Variants in EDIL3 observed in about 807,000 individuals in gnomAD.
EDIL3 encodes EGF-like repeat and discoidin I-like domain-containing protein 3.
EDIL3 carries 37 observed loss-of-function variants against 67.4 expected under a neutral mutation model. The ratio of observed to expected loss-of-function variants is 0.55; its 90% CI spans 0.42 to 0.72. The LOEUF (loss-of-function observed/expected upper bound fraction) is 0.72. Among genes scored for constraint, EDIL3 ranks in the 30% least tolerant of loss-of-function variants. The probability of loss-of-function intolerance (pLI) is 0.00; values close to 1 mark genes in which losing one functional copy is unlikely to be tolerated. For missense variants in EDIL3, 527 were observed against 586.3 expected (o/e 0.90, Z 1.04); for synonymous variants, 195 against 196.3 (o/e 0.99, Z 0.05).
At chr5:84,362,288 A>G (rs1747626313) in intron 1 of EDIL3, among the ~76,000 whole-genome samples, 1 of 152,078 alleles carries the variant, frequency 6.6e-6, no homozygotes, top group Non-Finnish European at 1.5e-5. Flanking sequence ...ATTTGCTTTA[A>G]TTTTCTTTAG....
At chr5:83,944,659 T>G (rs1744282040) in intron 10 of EDIL3, among the ~76,000 whole-genome samples, 1 of 151,968 alleles carries the variant, frequency 6.6e-6, no homozygotes, top group South Asian at 2.1e-4. Context: ...TTCTAACTAT[T>G]TTATATCTAC....
intron 4 of EDIL3, among the ~76,000 whole-genome samples, chr5:84,154,936 G>A (rs1054187928): frequency 2.0e-5 from 3 of 151,942 alleles, no homozygotes; most frequent in Non-Finnish European, 4.4e-5. Flanking sequence ...CTGACTTCAG[G>A]CAATCCTCCT....
chr5:83,984,026 T>C (rs1178470131), intron 9 of EDIL3, among the ~76,000 whole-genome samples: 3 of 152,012 alleles, frequency 2.0e-5, no homozygotes, highest in Non-Finnish European at 4.4e-5. Flanking sequence ...GAACTCAGCA[T>C]TGACTTAAGA....
intron 3 of EDIL3, among the ~76,000 whole-genome samples, chr5:84,208,855 C>G (rs1744050582): frequency 6.6e-6 from 1 of 151,634 alleles, no homozygotes; most frequent in South Asian, 2.1e-4. Flanking sequence ...TACCATTTGA[C>G]CCAGCCATCC....
At chr5:84,132,232 C>T (rs1487704699) in intron 5 of EDIL3, among the ~76,000 whole-genome samples, 4 of 131,880 alleles carry the variant, frequency 3.0e-5, no homozygotes, top group Admixed American at 8.7e-5. Context: ...AGAGAGACTC[C>T]GTCTTTAAAA....
chr5:84,084,890 A>G (rs1747041152), intron 6 of EDIL3, among the ~76,000 whole-genome samples: 1 of 152,230 alleles, frequency 6.6e-6, no homozygotes, highest in African/African-American at 2.4e-5. Flanking sequence ...ACAATAATCT[A>G]AGAATGGAGA....
At chr5:84,021,850 A>G (rs965162055) in intron 9 of EDIL3, among the ~76,000 whole-genome samples, 3 of 151,986 alleles carry the variant, frequency 2.0e-5, no homozygotes, top group African/African-American at 7.2e-5. Flanking sequence ...GATTGAATTT[A>G]GAAGAAATAG....
chr5:84,023,431 C>T (rs892677843), intron 9 of EDIL3, among the ~76,000 whole-genome samples: 4 of 151,886 alleles, frequency 2.6e-5, no homozygotes, highest in Non-Finnish European at 4.4e-5. Flanking sequence ...TTATATATTT[C>T]GAGGAACAAA....
intron 5 of EDIL3, among the ~76,000 whole-genome samples, chr5:84,107,329 C>T (rs566516127): frequency 6.6e-6 from 1 of 151,970 alleles, no homozygotes; most frequent in African/African-American, 2.4e-5. Flanking sequence ...TTTATACCCA[C>T]CATCAGTTAT....
intron 1 of EDIL3, among the ~76,000 whole-genome samples, chr5:84,340,926 C>G (rs533972936): frequency 4.1e-4 from 63 of 151,902 alleles, no homozygotes; most frequent in Admixed American, 2.0e-3. Context: ...CAACTCCAAT[C>G]CAAACTCCTC....
chr5:84,074,397 C>T (rs1746809407), intron 6 of EDIL3, among the ~76,000 whole-genome samples: 1 of 152,292 alleles, frequency 6.6e-6, no homozygotes, highest in Non-Finnish European at 1.5e-5. Context: ...AAACTACCAT[C>T]AGAGTGAACA....
chr5:84,030,640 C>T lies in EDIL3; in HGVS notation c.1137+29660G>A, dbSNP rs2112202135. ...GTAACTGACAGATTATGCTGCAATG[C>T]TATACATTTTCAGAATTGGTATCCT... On this transcript the variant is annotated intron_variant, in intron 9 of 10. Transcript: ENST00000296591. Among the ~76,000 whole-genome samples, 3 of 152,256 alleles carry T rather than the reference C, an allele frequency of 2.0e-5. No individual in the cohort carries two copies. In the South Asian group the frequency reaches 6.2e-4, roughly 32 times the overall value.
chr5:84,182,303 ACAC>A (rs1749027498), intron 3 of EDIL3, among the ~76,000 whole-genome samples: 1 of 150,570 alleles, frequency 6.6e-6, no homozygotes, highest in African/African-American at 2.4e-5. Context: ...ACACACACAC[ACAC>A]AAATCCAGGC....
chr5:84,149,979 G>T (rs1748359175), intron 4 of EDIL3, among the ~76,000 whole-genome samples: 1 of 152,032 alleles, frequency 6.6e-6, no homozygotes, highest in African/African-American at 2.4e-5. Context: ...GTCTAAAATA[G>T]ATGTGATTGG....
At chr5:84,080,077 C>CT (rs1561424957) in intron 6 of EDIL3, among the ~76,000 whole-genome samples, 1 of 124,020 alleles carries the variant, frequency 8.1e-6, no homozygotes, top group African/African-American at 3.3e-5. Flanking sequence ...CGAGAACATC[C>CT]TGGCTAACAC....
intron 5 of EDIL3, among the ~76,000 whole-genome samples, chr5:84,110,620 C>A (rs1747543600): frequency 6.6e-6 from 1 of 151,894 alleles, no homozygotes; most frequent in Admixed American, 6.6e-5. Flanking sequence ...AATAATACTT[C>A]AAGAAAAAAA....
intron 3 of EDIL3, among the ~76,000 whole-genome samples, chr5:84,223,971 T>C (rs1210682450): frequency 6.6e-6 from 1 of 151,444 alleles, no homozygotes; most frequent in East Asian, 1.9e-4. Context: ...TATGAGTTAA[T>C]CTAATATTAA....
intron 5 of EDIL3, among the ~76,000 whole-genome samples, chr5:84,121,533 A>AGATT (rs1407798341): frequency 3.0e-5 from 3 of 100,666 alleles, no homozygotes; most frequent in Non-Finnish European, 2.3e-5. Flanking sequence ...TCACTAACTT[A>AGATT]GATCGATCTA....
chr5:84,338,323 G>T (rs528238536), intron 1 of EDIL3, among the ~76,000 whole-genome samples: 2 of 152,224 alleles, frequency 1.3e-5, no homozygotes, highest in East Asian at 3.9e-4. Flanking sequence ...CTTAAAATGC[G>T]CTTATGCGAC....
Sources: gnomAD v4.1 joint callset for allele counts (sites outside exome capture counted in the v4.1 genomes callset) on GRCh38, gnomAD v4.1.1 for gene constraint, MANE v1.5 for transcripts, NCBI Gene and HGNC (gene_info 2026-07-23, HGNC 2026-07-21) for gene names.